Variants in UBAP2 observed in about 807,000 individuals in gnomAD.
UBAP2 encodes the protein ubiquitin associated protein 2, also known as ubiquitin-associated protein 2.
A neutral mutation model predicts 139.6 loss-of-function variants in UBAP2; 75 were observed. The observed-to-expected ratio is 0.54, with a 90% CI of 0.45 to 0.65. The LOEUF (loss-of-function observed/expected upper bound fraction) is 0.65, where lower values mean the gene tolerates loss of function less well. Among genes scored for constraint, UBAP2 ranks in the 30% least tolerant of loss-of-function variants. The pLI, the probability that UBAP2 is intolerant of heterozygous loss-of-function variation, is 0.00. For synonymous variants in UBAP2, 526 were observed against 526.2 expected (o/e 1.00, Z 0.01); for missense variants, 1,368 against 1,369.6 (o/e 1.00, Z 0.02).
chr9:34,022,462 C>CGG (rs1564067615), intron 1 of UBAP2, among the ~76,000 whole-genome samples: 1 of 127,270 alleles, frequency 7.9e-6, no homozygotes, highest in East Asian at 2.4e-4. Context: ...TTTTAAGACA[C>CGG]AGTCTGGCTT....
chr9:34,035,963 C>T (rs541178502), intron 1 of UBAP2, among the ~76,000 whole-genome samples: 20 of 151,950 alleles, frequency 1.3e-4, no homozygotes, highest in African/African-American at 4.8e-4. Context: ...AGCCTGATCG[C>T]ATCACTGCAT....
intron 1 of UBAP2, among the ~76,000 whole-genome samples, chr9:34,034,810 T>C (rs917181267): frequency 6.6e-6 from 1 of 151,772 alleles, no homozygotes; most frequent in Non-Finnish European, 1.5e-5. Context: ...GAGGCGGAGG[T>C]TGCAGTGAGT....
intron 8 of UBAP2, among the ~76,000 whole-genome samples, chr9:33,970,104 AT>A (rs1177146552): frequency 6.9e-5 from 10 of 144,174 alleles, no homozygotes; most frequent in Non-Finnish European, 7.7e-5. Flanking sequence ...TAACTTTTTA[AT>A]TTTTTTTTTG....
intron 1 of UBAP2, among the ~76,000 whole-genome samples, chr9:34,035,911 T>C (rs1264628459): frequency 6.7e-6 from 1 of 150,256 alleles, no homozygotes; most frequent in Non-Finnish European, 1.5e-5. Context: ...TTTTTTTGAG[T>C]GGGGGAAATC....
intron 1 of UBAP2, among the ~76,000 whole-genome samples, chr9:34,040,221 G>A (rs1213678561): frequency 1.3e-5 from 2 of 150,862 alleles, no homozygotes; most frequent in Non-Finnish European, 2.9e-5. Context: ...CTACTAGGGA[G>A]GCTGGGGCAG....
At position 34,017,891 on chromosome 9, in the gene UBAP2, T is replaced by C. The variant is rs540155082; in HGVS notation, c.-41-702A>G. Among the ~76,000 whole-genome samples the C allele has an allele frequency of 5.5e-4, 84 of 151,528 alleles. 1 individual carries two copies. The highest frequency in any genetic ancestry group is 2.6e-3 in the Admixed American group (40 of 15,168). On this transcript the variant is annotated intron_variant, in intron 1 of 28. Transcript: ENST00000379238. The stretch of plus-strand genomic sequence containing the variant: ...GCAGTCAGCCGAGATCGCGTCACTG[T>C]ACTCCAGCCTTGGCGACAGAGCGAG...
intron 8 of UBAP2, chr9:33,968,039 C>A: frequency 2.4e-6 from 1 of 414,028 alleles, no homozygotes; most frequent in Non-Finnish European, 4.7e-6. Flanking sequence ...GGAACAAATC[C>A]AGTATCCATT....
In UBAP2 at chr9:33,935,885, GGAAAA is replaced by G. The variant is rs1424523753; in HGVS notation, c.1930-12_1930-8del. The G allele has an allele frequency of 6.2e-7, 1 of 1,610,822 alleles. No individual in the cohort carries two copies. Among genetic ancestry groups the G allele is most frequent in the Non-Finnish European group, 8.5e-7 (1 of 1,179,278 alleles). ...GACCACCACCATGTCCATTCTATAAGGAAAAGAAGAGAAGAGAATATAAACTTACA... is the reference window on the plus strand; with the variant it reads ...GACCACCACCATGTCCATTCTATAAGGAAGAGAAGAGAATATAAACTTACA... On this transcript the variant is annotated splice_region_variant and splice_polypyrimidine_tract_variant and intron_variant, in intron 16 of 28. Coordinates refer to ENST00000379238, the MANE Select transcript of UBAP2 (RefSeq NM_001370062.2).
At chr9:33,934,926 C>T (rs1054752603) in intron 17 of UBAP2, among the ~76,000 whole-genome samples, 5 of 152,146 alleles carry the variant, frequency 3.3e-5, no homozygotes, top group African/African-American at 1.2e-4. Flanking sequence ...AATCCTGGGG[C>T]TCCAAATCTG....
intron 1 of UBAP2, among the ~76,000 whole-genome samples, chr9:34,021,998 A>C (rs1824990642): frequency 6.6e-6 from 1 of 152,144 alleles, no homozygotes; most frequent in African/African-American, 2.4e-5. Context: ...TAATCCCAAC[A>C]CTTTGGGAAG....
intron 1 of UBAP2, among the ~76,000 whole-genome samples, chr9:34,040,154 C>T (rs12156614): frequency 2.7e-5 from 4 of 146,560 alleles, no homozygotes; most frequent in African/African-American, 7.6e-5. Context: ...GGCTAGACTC[C>T]GTCTCAAAAA....
chr9:34,037,747 G>T (rs1826564281), intron 1 of UBAP2, among the ~76,000 whole-genome samples: 1 of 152,070 alleles, frequency 6.6e-6, no homozygotes, highest in South Asian at 2.1e-4. Context: ...TCATTCAGTA[G>T]TGTACTTCAG....
intron 6 of UBAP2, among the ~76,000 whole-genome samples, chr9:33,983,715 T>C (rs905624387): frequency 6.6e-6 from 1 of 152,158 alleles, no homozygotes. Flanking sequence ...TTAGCAGAGG[T>C]GTACGTGCCA....
chr9:33,953,265 C>A lies in UBAP2; in HGVS notation c.1056+20G>T, dbSNP rs370228452. On this transcript the variant is annotated intron_variant, in intron 12 of 28. Coordinates refer to ENST00000379238, the MANE Select transcript of UBAP2 (RefSeq NM_001370062.2). ...TGGGTATATTTCTTAAAATCCCACA[C>A]TGAAATAAAAGTGAGTTACCAGGCT... 5.6e-6 allele frequency: 9 copies of A among 1,600,516 alleles called. No homozygotes were observed. The South Asian group carries it at 1.0e-4, about 18-fold the overall frequency.
intron 9 of UBAP2, among the ~76,000 whole-genome samples, chr9:33,963,248 T>C (rs1045043686): frequency 1.3e-5 from 2 of 152,182 alleles, no homozygotes; most frequent in Admixed American, 1.3e-4. Context: ...AGTGCCACGT[T>C]GTTGCAGGAA....
chr9:33,958,702 C>T (rs1048060443), intron 10 of UBAP2, among the ~76,000 whole-genome samples: 5 of 140,632 alleles, frequency 3.6e-5, no homozygotes, highest in African/African-American at 1.1e-4. Context: ...CCACTGTGCC[C>T]GGCCTTTTTT....
chr9:33,977,181 G>T (rs1483413010), intron 6 of UBAP2, among the ~76,000 whole-genome samples: 1 of 151,240 alleles, frequency 6.6e-6, no homozygotes, highest in Admixed American at 6.6e-5. Context: ...TGGGATTACA[G>T]GTGCCTGCCA....
chr9:33,957,127 AGG>A (rs1826637561), intron 10 of UBAP2, among the ~76,000 whole-genome samples: 1 of 152,100 alleles, frequency 6.6e-6, no homozygotes, highest in African/African-American at 2.4e-5. Context: ...AAGTTTGTAA[AGG>A]TGAAATAATC....
intron 12 of UBAP2, among the ~76,000 whole-genome samples, chr9:33,950,058 AT>A (rs1258665168): frequency 6.9e-6 from 1 of 144,722 alleles, no homozygotes; most frequent in Non-Finnish European, 1.5e-5. Context: ...CAAAAATAAC[AT>A]TTCTTTTCTT....
Sources: allele counts gnomAD v4.1 joint callset (sites outside exome capture counted in the v4.1 genomes callset), GRCh38; gene constraint gnomAD v4.1.1; transcripts MANE v1.5; gene names NCBI Gene and HGNC (gene_info 2026-07-23, HGNC 2026-07-21).